Variants in ATP6V0D2 observed in about 807,000 individuals in gnomAD.
ATP6V0D2 encodes the protein V-type proton ATPase subunit d 2.
A neutral mutation model predicts 40.0 loss-of-function variants in ATP6V0D2; 40 were observed. That is an observed-to-expected ratio of 1.00 (90% confidence interval 0.78 to 1.30). The LOEUF is 1.30. ATP6V0D2 is among the 50% of genes most tolerant of loss of function. The pLI, the probability that ATP6V0D2 is intolerant of heterozygous loss-of-function variation, is 0.00. For synonymous variants in ATP6V0D2, 179 were observed against 156.3 expected, an observed-to-expected ratio of 1.15 and a Z score of -1.08; for missense variants, 470 against 423.1, an observed-to-expected ratio of 1.11 and a Z score of -0.97.
intron 2 of ATP6V0D2, among the ~76,000 whole-genome samples, chr8:86,138,881 T>C (rs1818931877): frequency 6.6e-6 from 1 of 152,232 alleles, no homozygotes; most frequent in Admixed American, 6.5e-5. Context: ...CTTCCGCATA[T>C]TCCCACCAGC....
chr8:86,114,141 A>G (rs1006889187), intron 2 of ATP6V0D2, among the ~76,000 whole-genome samples: 30 of 36,802 alleles, frequency 8.2e-4, no homozygotes, highest in African/African-American at 2.1e-3. Context: ...TTTTCATTTA[A>G]AAAAAAAAAG....
chr8:86,142,777 T>C, intron 4 of ATP6V0D2, 100 bp from the exon 5 acceptor site: 1 of 687,590 alleles, frequency 1.5e-6, no homozygotes, highest in Non-Finnish European at 2.4e-6. Flanking sequence ...GTAATTCAGA[T>C]TCCATTAAAG....
chr8:86,150,205 G>A lies in ATP6V0D2; in HGVS notation c.733G>A (p.Gly245Ser), dbSNP rs373122236. The A allele has an allele frequency of 5.5e-5, 89 of 1,612,730 alleles. No homozygotes were observed. Among genetic ancestry groups the A allele is most frequent in the Non-Finnish European group, 6.9e-5 (81 of 1,179,808 alleles). ...CCGAGAGACCCTCTATCCAACCTTC[G>A]GCAAACTCTATCCTGAGGGGTTGCG... Reference protein sequence around the residue: ...EDRETLYPTFGKLYPEGLRLL... With the variant: ...EDRETLYPTFSKLYPEGLRLL... Residue 245 changes from glycine to serine, a missense_variant, in exon 6 of 8, where the codon GGC becomes AGC. By Grantham distance (56) the Gly-to-Ser change is moderately conservative. Transcript: ENST00000285393.
rs1407918907 is a variant in ATP6V0D2 at position 86,150,019 on chromosome 8, G to A, written c.640-93G>A. On this transcript the variant is annotated intron_variant, in intron 5 of 7. Coordinates refer to ENST00000285393, the MANE Select transcript of ATP6V0D2 (RefSeq NM_152565.1). ...TAGACATAGATCCAGAAAGGAAAGC[G>A]AATCATTTCAGAAATGAATGTGTGC... The A allele has an allele frequency of 9.2e-6, 11 of 1,201,038 alleles. No homozygotes were observed. In the Admixed American group the frequency reaches 1.1e-4, roughly 12 times the overall value. 74.4% of individuals were successfully genotyped at this position (1,201,038 alleles called of 1,614,324 possible).
intron 1 of ATP6V0D2, among the ~76,000 whole-genome samples, chr8:86,108,412 G>T (rs1221942255): frequency 1.3e-5 from 2 of 152,154 alleles, no homozygotes; most frequent in Non-Finnish European, 2.9e-5. Context: ...AAACCCCTTG[G>T]ATTAGAGGCG....
At chr8:86,126,718 T>C (rs960518396) in intron 2 of ATP6V0D2, among the ~76,000 whole-genome samples, 8 of 152,120 alleles carry the variant, frequency 5.3e-5, no homozygotes, top group African/African-American at 1.9e-4. Context: ...ATTGAAAAGC[T>C]TCATGAAAAA....
chr8:86,110,742 T>C (rs959408621), intron 1 of ATP6V0D2, among the ~76,000 whole-genome samples: 3 of 152,148 alleles, frequency 2.0e-5, no homozygotes, highest in African/African-American at 7.2e-5. Flanking sequence ...AACTTGATGA[T>C]TTGGAAACAA....
intron 2 of ATP6V0D2, among the ~76,000 whole-genome samples, chr8:86,119,836 C>T (rs1294165684): frequency 6.6e-6 from 1 of 152,060 alleles, no homozygotes; most frequent in Non-Finnish European, 1.5e-5. Flanking sequence ...GCTATACATG[C>T]TTTGAATTAG....
rs373009945 is a variant in ATP6V0D2, at chr8:86,127,424, C to T, written c.303-12033C>T. On this transcript the variant is annotated intron_variant, in intron 2 of 7. Coordinates refer to ENST00000285393, the MANE Select transcript of ATP6V0D2 (RefSeq NM_152565.1). Reference sequence around the variant, plus strand: ...AAAGGTGCCTTTCACACACACACACCGATCCTTTCCATGAACAATGACCCC... The same window carrying T: ...AAAGGTGCCTTTCACACACACACACTGATCCTTTCCATGAACAATGACCCC... Among the ~76,000 whole-genome samples, 170 of 151,770 alleles carry T rather than the reference C, an allele frequency of 1.1e-3. 3 individuals carry two copies. Among genetic ancestry groups the T allele is most frequent in the African/African-American group, 3.8e-3 (158 of 41,326 alleles).
intron 7 of ATP6V0D2, 101 bp from the exon 8 acceptor site, chr8:86,152,715 C>T: frequency 8.3e-7 from 1 of 1,203,526 alleles, no homozygotes; most frequent in Non-Finnish European, 1.1e-6. Context: ...TGTTTAAACA[C>T]AAATAAGCAC....
intron 1 of ATP6V0D2, among the ~76,000 whole-genome samples, chr8:86,104,626 G>T (rs1402571734): frequency 6.6e-6 from 1 of 152,056 alleles, no homozygotes; most frequent in Non-Finnish European, 1.5e-5. Flanking sequence ...GGAACGAGTG[G>T]CAGGGGGTGG....
At chr8:86,141,605 C>G (rs1818974620) in intron 4 of ATP6V0D2, 76 bp downstream of exon 4, 1 of 1,051,934 alleles carries the variant, frequency 9.5e-7, no homozygotes, top group Admixed American at 2.5e-5. Flanking sequence ...TTAAAACTTA[C>G]TTTACTCATT....
intron 5 of ATP6V0D2, among the ~76,000 whole-genome samples, chr8:86,145,238 AGAGAGAGAGAGAG>A (rs2130279656): frequency 2.5e-5 from 1 of 39,404 alleles, no homozygotes; most frequent in African/African-American, 1.5e-4. Context: ...AAAGAAAGAG[AGAGAGAGAGAGAG>A]AGAGAGAAAG....
intron 2 of ATP6V0D2, among the ~76,000 whole-genome samples, chr8:86,130,076 A>G (rs907873761): frequency 6.6e-6 from 1 of 151,928 alleles, no homozygotes; most frequent in Non-Finnish European, 1.5e-5. Flanking sequence ...CTTCGGTCTT[A>G]TTTCCTTCCC....
intron 3 of ATP6V0D2, 62 bp downstream of exon 3, chr8:86,139,697 T>G (rs1586100544): frequency 6.8e-7 from 1 of 1,473,158 alleles, no homozygotes; most frequent in East Asian, 2.4e-5. Flanking sequence ...TTAGAAAATG[T>G]ACTATTTTTT....
At chr8:86,143,276 T>C (rs1563565423) in intron 5 of ATP6V0D2, among the ~76,000 whole-genome samples, 1 of 152,174 alleles carries the variant, frequency 6.6e-6, no homozygotes, top group Non-Finnish European at 1.5e-5. Flanking sequence ...TTTAGTATAC[T>C]GTTGTTACTG....
intron 6 of ATP6V0D2, among the ~76,000 whole-genome samples, chr8:86,151,145 A>G (rs1434336226): frequency 1.3e-5 from 2 of 152,200 alleles, no homozygotes; most frequent in African/African-American, 4.8e-5. Context: ...TGACCAAATC[A>G]TGAACATTCA....
chr8:86,102,100 T>TC (rs936388788), intron 1 of ATP6V0D2, among the ~76,000 whole-genome samples: 2 of 152,204 alleles, frequency 1.3e-5, no homozygotes, highest in African/African-American at 4.8e-5. Context: ...TGTCTCCTTT[T>TC]CCACAAAAAT....
intron 3 of ATP6V0D2, among the ~76,000 whole-genome samples, chr8:86,140,184 G>T (rs890196988): frequency 6.6e-6 from 1 of 152,026 alleles, no homozygotes; most frequent in Admixed American, 6.6e-5. Context: ...TTATAATTTG[G>T]CACTAACAAG....
Sources: gnomAD v4.1 joint callset for allele counts (sites outside exome capture counted in the v4.1 genomes callset) on GRCh38, gnomAD v4.1.1 for gene constraint, MANE v1.5 for transcripts, NCBI Gene and HGNC (gene_info 2026-07-23, HGNC 2026-07-21) for gene names.